The following OR56A3 variants were observed in gnomAD, a reference collection of about 807,000 sequenced individuals.
OR56A3 encodes olfactory receptor family 56 subfamily A member 3.
OR56A3 carries 23 observed loss-of-function variants against 17.5 expected under a neutral mutation model. That is an observed-to-expected ratio of 1.32 (90% CI 0.95 to 1.87). The LOEUF (loss-of-function observed/expected upper bound fraction) is 1.87. Ranked by LOEUF, OR56A3 falls within the 40% of genes most tolerant of loss-of-function variation. The pLI, the probability that OR56A3 is intolerant of heterozygous loss-of-function variation, is 0.00. For missense variants in OR56A3, 366 were observed against 380.1 expected (o/e 0.96, Z 0.31); for synonymous variants, 175 against 150.6 (o/e 1.16, Z -1.19).
At chr11:6,013,426 G>A in the OR56A3 span, among the ~76,000 whole-genome samples, 1 of 152,214 alleles carries the variant, frequency 6.6e-6, no homozygotes, top group Non-Finnish European at 1.5e-5. Flanking sequence ...TGGGCCCCAG[G>A]CCCAGCTGTT....
the OR56A3 span, among the ~76,000 whole-genome samples, chr11:5,976,437 A>G: frequency 1.3e-5 from 2 of 152,286 alleles, no homozygotes; most frequent in African/African-American, 2.4e-5. Flanking sequence ...GCTGGAATTC[A>G]CATACCTTTT....
At chr11:6,017,217 G>A in the OR56A3 span, 1 of 152,068 alleles carries the variant, frequency 6.6e-6, no homozygotes, top group African/African-American at 2.4e-5. Context: ...GAAGAGAGAA[G>A]AGATAAGCAA....
chr11:6,021,209 G>A, the OR56A3 span: 4 of 151,976 alleles, frequency 2.6e-5, no homozygotes, highest in African/African-American at 9.7e-5. Flanking sequence ...GGCCTTCGAG[G>A]GGGTTTATTG....
chr11:6,000,081 AAT>A, the OR56A3 span: 2 of 152,224 alleles, frequency 1.3e-5, no homozygotes, highest in South Asian at 4.1e-4. Context: ...TAGAACTAGA[AAT>A]ACCATTTGAC....
At chr11:5,953,457 A>G (rs1310967323), downstream of OR56A3, among the ~76,000 whole-genome samples, 1 of 152,148 alleles carries the variant, frequency 6.6e-6, no homozygotes, top group Non-Finnish European at 1.5e-5. Context: ...TTCTTTTGAA[A>G]AGTGTCTGCT....
the OR56A3 span, among the ~76,000 whole-genome samples, chr11:6,015,816 G>A: frequency 6.6e-6 from 1 of 152,184 alleles, no homozygotes; most frequent in Non-Finnish European, 1.5e-5. Context: ...TGATTTTACA[G>A]GTTCATAGGT....
At chr11:5,980,142 G>A in the OR56A3 span, among the ~76,000 whole-genome samples, 1 of 152,076 alleles carries the variant, frequency 6.6e-6, no homozygotes, top group Non-Finnish European at 1.5e-5. Flanking sequence ...CCTGTGCAGA[G>A]TAGCAGAATG....
chr11:5,971,281 A>G, the OR56A3 span, among the ~76,000 whole-genome samples: 1 of 152,338 alleles, frequency 6.6e-6, no homozygotes, highest in African/African-American at 2.4e-5. Flanking sequence ...AGATCTTGCA[A>G]TCCACCAAGG....
At chr11:5,986,278 A>G in the OR56A3 span, 2 of 1,613,908 alleles carry the variant, frequency 1.2e-6, no homozygotes, top group Admixed American at 1.7e-5. Context: ...GGCCATAGTC[A>G]GCCCATAAGC....
At chr11:6,020,294 C>CT in the OR56A3 span, 10 of 152,188 alleles carry the variant, frequency 6.6e-5, no homozygotes, top group Admixed American at 3.9e-4. Flanking sequence ...TATTCAGGCT[C>CT]TTTTTTGGTT....
chr11:6,002,334 G>T, the OR56A3 span: 1 of 1,614,104 alleles, frequency 6.2e-7, no homozygotes. Flanking sequence ...AAAAGAATAG[G>T]AGATAACAAT....
chr11:5,976,712 C>CT, the OR56A3 span, among the ~76,000 whole-genome samples: 1 of 151,506 alleles, frequency 6.6e-6, no homozygotes, highest in Non-Finnish European at 1.5e-5. Flanking sequence ...CTTCGCTTGT[C>CT]TTTTTTTTCA....
the OR56A3 span, chr11:5,986,884 A>G: frequency 6.2e-7 from 1 of 1,613,790 alleles, no homozygotes; most frequent in Non-Finnish European, 8.5e-7. Context: ...GCTAAGGAGC[A>G]TTATCAATGG....
chr11:5,951,480 A>G (rs1293104623), downstream of OR56A3: 1 of 152,126 alleles, frequency 6.6e-6, no homozygotes, highest in Non-Finnish European at 1.5e-5. Flanking sequence ...TAAATAAAAC[A>G]TGAGTGAGAA....
At chr11:5,952,250 C>T (rs1847912002), downstream of OR56A3, among the ~76,000 whole-genome samples, 1 of 152,100 alleles carries the variant, frequency 6.6e-6, no homozygotes, top group African/African-American at 2.4e-5. Flanking sequence ...TGCCACTTGG[C>T]AGAAAGGTAG....
At chr11:5,968,579 A>C in the OR56A3 span, 4 of 1,024,342 alleles carry the variant, frequency 3.9e-6, no homozygotes, top group Middle Eastern at 8.1e-4. Context: ...AAAGCTGTTA[A>C]AATATTTGCT....
chr11:5,994,913 G>C, the OR56A3 span: 1 of 755,148 alleles, frequency 1.3e-6, no homozygotes, highest in Non-Finnish European at 2.4e-6. Context: ...GCTTTGCATG[G>C]TCTCCTTCTC....
At chr11:5,979,284 C>G in the OR56A3 span, among the ~76,000 whole-genome samples, 1 of 151,934 alleles carries the variant, frequency 6.6e-6, no homozygotes, top group Non-Finnish European at 1.5e-5. Context: ...AATAGTTTCA[C>G]TGGGATTGGC....
At chr11:5,986,370 G>C in the OR56A3 span, 4 of 1,613,942 alleles carry the variant, frequency 2.5e-6, no homozygotes. Flanking sequence ...TGGTGGCTTG[G>C]CAGAAGATAA....
Sources: allele counts gnomAD v4.1 joint callset (sites outside exome capture counted in the v4.1 genomes callset), GRCh38; gene constraint gnomAD v4.1.1; transcripts MANE v1.5; gene names NCBI Gene and HGNC (gene_info 2026-07-23, HGNC 2026-07-21).